NUP214: variants seen among roughly 807,000 people sequenced by gnomAD.
NUP214 encodes the protein nucleoporin 214, also known as nuclear pore complex protein Nup214.
Under a neutral mutation model 196.2 loss-of-function variants are expected in NUP214, and 79 were observed. The observed-to-expected ratio is 0.40, with a 90% CI of 0.34 to 0.49. The LOEUF (loss-of-function observed/expected upper bound fraction) is 0.49. Ranked by LOEUF, NUP214 falls within the 20% of genes least tolerant of loss-of-function variation. NUP214 has a pLI of 0.58. For synonymous variants in NUP214, 1,020 were observed against 990.5 expected (o/e 1.03, Z -0.56); for missense variants, 2,468 against 2,539.0 (o/e 0.97, Z 0.60).
At chr9:131,133,810 TGATTTTTAAAATTA>T (rs1168896193) in intron 7 of NUP214, 1 of 152,236 alleles carries the variant, frequency 6.6e-6, no homozygotes, top group Non-Finnish European at 1.5e-5. Context: ...GACAGTATCT[TGATTTTTAAAATTA>T]TTTCATTTGC....
chr9:131,128,297 A>C (rs1831425255), intron 2 of NUP214, 35 bp from the exon 3 acceptor site: 1 of 1,593,194 alleles, frequency 6.3e-7, no homozygotes. Flanking sequence ...CTTAGAACAT[A>C]CCGTTTTCTG....
chr9:131,147,671 A>G (rs1832124517), intron 14 of NUP214, 87 bp downstream of exon 14: 2 of 1,029,876 alleles, frequency 1.9e-6, no homozygotes, highest in Non-Finnish European at 1.5e-6. Flanking sequence ...TTCATGTTTT[A>G]TAATTCAGAC....
intron 25 of NUP214, 107 bp from the exon 26 acceptor site, chr9:131,188,946 C>T: frequency 2.8e-5 from 22 of 796,012 alleles, no homozygotes; most frequent in East Asian, 7.8e-5. Context: ...AAGTATTTGT[C>T]CTTGCTTATT....
chr9:131,164,173 C>G, intron 21 of NUP214, 29 bp downstream of exon 21: 1 of 1,603,540 alleles, frequency 6.2e-7, no homozygotes, highest in East Asian at 2.2e-5. Context: ...TGGGCCTGTA[C>G]ATAGTGATAG....
In NUP214 at chr9:131,144,398, T is replaced by A; in HGVS notation, c.1413T>A (p.Ser471=). 6.2e-7 allele frequency: 1 copy of A among 1,614,204 alleles called. No homozygotes were observed. Among genetic ancestry groups the A allele is most frequent in the Non-Finnish European group, 8.5e-7 (1 of 1,180,028 alleles). Residue 471 remains serine (S), a synonymous_variant, in exon 12 of 36, where the codon TCT becomes TCA. Transcript: ENST00000359428. ...SSPAAPIATF[S]LLPAGGAPTV... ...CTGCTGCTCCCATTGCCACTTTTTC[T>A]TTGCTTCCTGCTGGTGGAGCCCCCA...
intron 30 of NUP214, among the ~76,000 whole-genome samples, chr9:131,203,054 T>A (rs1833982273): frequency 6.6e-6 from 1 of 152,006 alleles, no homozygotes; most frequent in African/African-American, 2.4e-5. Flanking sequence ...CACGCCATTC[T>A]CCTGCCTCAG....
rs1233244939 is a variant in NUP214, at chr9:131,164,088, A to G, written c.2837A>G (p.Gln946Arg). ...AAACTGTCCCCCATGAAACAGGCAC[A>G]ACTGAGAAACTTCTTGGCCAAGAGG... ...PAKLSPMKQA[Q>R]LRNFLAKRKT... The change falls in exon 21 of 36, where the codon CAA becomes CGA. Residue 946 changes from glutamine (Q) to arginine (R), a missense_variant. Physicochemically the swap from Gln to Arg is conservative, Grantham distance 43 (BLOSUM62 1). This residue lies in a region of NUP214 where 1,801 missense variants were observed against 1,779.4 expected (regional missense o/e 1.01). Transcript: ENST00000359428. 6.2e-7 allele frequency: 1 copy of G among 1,614,190 alleles called. No homozygotes were observed. The highest frequency in any genetic ancestry group is 8.5e-7 in the Non-Finnish European group (1 of 1,180,034).
rs754594069 is a variant in NUP214 at position 131,174,152 on chromosome 9, A to C, written c.2991A>C (p.Glu997Asp). The change falls in exon 22 of 36, where the codon GAA becomes GAC. Residue 997 changes from glutamate to aspartate, a missense_variant. By Grantham distance (45) the Glu-to-Asp change is conservative. Coordinates refer to ENST00000359428, the MANE Select transcript of NUP214 (RefSeq NM_005085.4). Reference sequence around the variant, plus strand: ...CTGTCTCCCAGTCTCTGGAGAGTGAAGATGCACGGACGTCCTGTAAAGATG... The same window carrying C: ...CTGTCTCCCAGTCTCTGGAGAGTGACGATGCACGGACGTCCTGTAAAGATG... ...TSSVSQSLES[E>D]DARTSCKDDE... 4.3e-6 allele frequency: 7 copies of C among 1,613,806 alleles called. 1 individual carries two copies. The South Asian group carries it at 7.7e-5, about 18-fold the overall frequency.
At chr9:131,193,177 T>TA (rs1363165889) in intron 27 of NUP214, among the ~76,000 whole-genome samples, 2 of 152,140 alleles carry the variant, frequency 1.3e-5, no homozygotes, top group African/African-American at 4.8e-5. Flanking sequence ...GATGAGCCTT[T>TA]GTTAAGGTGC....
intron 31 of NUP214, among the ~76,000 whole-genome samples, chr9:131,217,872 C>A (rs1834446922): frequency 6.6e-6 from 1 of 152,228 alleles, no homozygotes; most frequent in African/African-American, 2.4e-5. Context: ...AGCTGGTTTG[C>A]ACGGACACAT....
chr9:131,178,035 G>C (rs193119754), intron 23 of NUP214, among the ~76,000 whole-genome samples: 1 of 152,164 alleles, frequency 6.6e-6, no homozygotes. Context: ...AGGTGTCTCA[G>C]CTCTGTGTAG....
At chr9:131,199,590 T>C (rs957271926) in intron 29 of NUP214, among the ~76,000 whole-genome samples, 1 of 152,266 alleles carries the variant, frequency 6.6e-6, no homozygotes, top group South Asian at 2.1e-4. Context: ...TACAGTTTAC[T>C]GTTTTTGACA....
chr9:131,220,843 TAAAG>T (rs961360225), intron 31 of NUP214, among the ~76,000 whole-genome samples: 4 of 152,164 alleles, frequency 2.6e-5, no homozygotes, highest in African/African-American at 9.7e-5. Context: ...AAAGAGTTCT[TAAAG>T]AGAGAAAAAG....
rs914093715 is a variant in NUP214 at position 131,232,577 on chromosome 9, G to T, written c.6239+269G>T. The T allele has an allele frequency of 1.8e-6, 1 of 555,996 alleles. No individual in the cohort carries two copies. The highest frequency in any genetic ancestry group is 3.2e-6 in the Non-Finnish European group (1 of 310,060). The allele number at this position is 555,996 out of a possible 1,614,324, so 34.4% of individuals were successfully genotyped here. A position where few individuals can be genotyped will look rare whatever the true frequency, so the allele number is the denominator to read the frequency against. ...CGCCTGCCAGTGAGCTGGGCCTGAG[G>T]GCAGCGCTGAGGAGATGCTGCTCCT... On this transcript the variant is annotated intron_variant, in intron 35 of 35. Transcript: ENST00000359428. This position sits in a 1 kb window ranked among gnomAD's most constrained non-coding sequence, Gnocchi z 5.1.
rs1588141011 is a variant in NUP214 at position 131,163,080 on chromosome 9, A to G, written c.2630A>G (p.His877Arg). The change falls in exon 19 of 36, where the codon CAC becomes CGC. Residue 877 changes from histidine to arginine, a missense_variant. This residue lies in a region of NUP214 where 1,801 missense variants were observed against 1,779.4 expected (regional missense o/e 1.01). Coordinates refer to ENST00000359428, the MANE Select transcript of NUP214 (RefSeq NM_005085.4). ...IINQQRKRLN[H>R]LVDSLQQLRL... ...AACCAACAGAGGAAGAGGCTGAATC[A>G]CCTGGTGGATAGTCTTCAGCAGCTC... 1.9e-6 allele frequency: 3 copies of G among 1,614,164 alleles called. No individual in the cohort carries two copies. The highest frequency in any genetic ancestry group is 2.5e-6 in the Non-Finnish European group (3 of 1,180,006).
At position 131,144,292 on chromosome 9, in the gene NUP214, C is replaced by G. The variant is rs778536295; in HGVS notation, c.1307C>G (p.Thr436Ser). Residue 436 changes from threonine to serine, a missense_variant, in exon 12 of 36, where the codon ACT becomes AGT. This residue lies in a region of NUP214 where 1,801 missense variants were observed against 1,779.4 expected (regional missense o/e 1.01). Transcript: ENST00000359428. ...TTTGTCACTGCAGGAAGTACTCCCA[C>G]TACCCCAACCTCCTCTCAAGCCCCA... Reference protein sequence around the residue: ...RQPKSPGSTPTTPTSSQAPQK... With the variant: ...RQPKSPGSTPSTPTSSQAPQK... 6.8e-6 allele frequency: 11 copies of G among 1,613,322 alleles called. No homozygotes were observed. The highest frequency in any genetic ancestry group is 9.3e-6 in the Non-Finnish European group (11 of 1,179,672).
chr9:131,128,512 C>CA (rs781677571), intron 3 of NUP214, 29 bp downstream of exon 3: 10 of 1,574,420 alleles, frequency 6.4e-6, no homozygotes, highest in African/African-American at 1.4e-5. Context: ...GTGATGTCAA[C>CA]ATGAGAACCC....
intron 14 of NUP214, 180 bp from the exon 15 acceptor site, chr9:131,150,144 T>A (rs1832213312): frequency 1.7e-6 from 1 of 578,236 alleles, no homozygotes; most frequent in South Asian, 2.1e-5. Context: ...TGTTCACCTC[T>A]ACCTGCACTG....
chr9:131,132,433 G>A (rs1323010640), intron 5 of NUP214, among the ~76,000 whole-genome samples, 163 bp from the exon 6 acceptor site: 1 of 152,114 alleles, frequency 6.6e-6, no homozygotes, highest in Non-Finnish European at 1.5e-5. Flanking sequence ...GGTTTCTGTA[G>A]GATGAAGTCC....
Sources: gnomAD v4.1 joint callset for allele counts (sites outside exome capture counted in the v4.1 genomes callset) on GRCh38, gnomAD v4.1.1 for gene constraint, gnomAD v4.1.1 regional missense constraint, Gnocchi (gnomAD v3.1) non-coding constraint, MANE v1.5 for transcripts, NCBI Gene and HGNC (gene_info 2026-07-23, HGNC 2026-07-21) for gene names.